Variants in FANK1 observed in about 807,000 individuals in gnomAD.
The protein encoded by FANK1 is fibronectin type III and ankyrin repeat domains 1, also known as fibronectin type 3 and ankyrin repeat domains protein 1.
In FANK1, 44 loss-of-function variants were observed where a neutral mutation model predicts 45.3. The observed-to-expected ratio is 0.97, with a 90% CI of 0.76 to 1.25. The LOEUF (loss-of-function observed/expected upper bound fraction) is 1.25, where lower values mean the gene tolerates loss of function less well. Ranked by LOEUF, FANK1 falls within the 50% of genes most tolerant of loss-of-function variation. The pLI, the probability that FANK1 is intolerant of heterozygous loss-of-function variation, is 0.00. For synonymous variants in FANK1, 149 were observed against 152.5 expected (o/e 0.98, Z 0.17); for missense variants, 391 against 424.4 (o/e 0.92, Z 0.69).
At chr10:125,971,477 G>C (rs1950510159) in intron 1 of FANK1, among the ~76,000 whole-genome samples, 1 of 151,542 alleles carries the variant, frequency 6.6e-6, no homozygotes, top group South Asian at 2.1e-4. Context: ...CAATTACCTG[G>C]TTTGCATTGT....
At chr10:125,975,576 G>T (rs1950806291) in intron 1 of FANK1, among the ~76,000 whole-genome samples, 2 of 152,128 alleles carry the variant, frequency 1.3e-5, no homozygotes, top group Non-Finnish European at 2.9e-5. Context: ...TGATATGCTT[G>T]TTGGCCACAT....
chr10:125,976,372 G>A (rs988397627), intron 1 of FANK1, among the ~76,000 whole-genome samples: 1 of 152,180 alleles, frequency 6.6e-6, no homozygotes, highest in Non-Finnish European at 1.5e-5. Context: ...AGTAAGGTTA[G>A]GGAAGTTTTC....
At chr10:125,961,180 C>T (rs891165958) in intron 1 of FANK1, among the ~76,000 whole-genome samples, 1 of 152,182 alleles carries the variant, frequency 6.6e-6, no homozygotes, top group African/African-American at 2.4e-5. Context: ...GATCATGGCT[C>T]ACTGTAACCT....
At chr10:125,928,592 C>A (rs987538129) in intron 1 of FANK1, among the ~76,000 whole-genome samples, 3 of 152,100 alleles carry the variant, frequency 2.0e-5, no homozygotes, top group African/African-American at 7.2e-5. Flanking sequence ...TTTTCAAACC[C>A]CTCTGACACT....
chr10:125,936,224 C>T (rs1352660864), intron 1 of FANK1, among the ~76,000 whole-genome samples: 2 of 152,036 alleles, frequency 1.3e-5, no homozygotes, highest in African/African-American at 4.8e-5. Context: ...AGACAATAAT[C>T]CTGATTTCCA....
rs188541042 is a variant in FANK1 at position 125,966,003 on chromosome 10, G to C, written c.14-14158G>C. Among the ~76,000 whole-genome samples the C allele has an allele frequency of 1.3e-4, 20 of 152,276 alleles. No individual in the cohort carries two copies. The East Asian group carries it at 3.9e-3, about 29-fold the overall frequency. ...TGCAGTAAATCTGAGAGGGAGGCAG[G>C]ACAGGTATCCTTACTTATCCCCCAC... On this transcript the variant is annotated intron_variant, in intron 1 of 10. Coordinates refer to ENST00000368693, the MANE Select transcript of FANK1 (RefSeq NM_145235.5).
chr10:125,985,244 A>AATTC (rs1951475303), intron 2 of FANK1, among the ~76,000 whole-genome samples: 1 of 152,198 alleles, frequency 6.6e-6, no homozygotes, highest in Non-Finnish European at 1.5e-5. Flanking sequence ...CCTTGCACTG[A>AATTC]ATTCTGGTGA....
At chr10:125,913,303 A>G (rs1273673906) in intron 1 of FANK1, among the ~76,000 whole-genome samples, 2 of 150,776 alleles carry the variant, frequency 1.3e-5, no homozygotes, top group East Asian at 3.9e-4. Flanking sequence ...CTCATTCTGC[A>G]TGACACCTAA....
intron 1 of FANK1, among the ~76,000 whole-genome samples, chr10:125,903,645 C>T (rs1589769097): frequency 6.6e-6 from 1 of 152,174 alleles, no homozygotes; most frequent in Non-Finnish European, 1.5e-5. Context: ...GCCCGGGCAA[C>T]ATGTCGAGAC....
At chr10:125,897,531 T>C (rs988914476) in intron 1 of FANK1, among the ~76,000 whole-genome samples, 8 of 152,246 alleles carry the variant, frequency 5.3e-5, no homozygotes, top group African/African-American at 1.9e-4. Context: ...TCTTGTACAA[T>C]TTCAGAAATG....
rs1156446362 is a variant in FANK1 at position 125,918,556 on chromosome 10, C to CAAAAAAA, written c.13+21925_13+21931dup. ...CTGGTGACAGAGCAAGCCTCTGTCT[C>CAAAAAAA]AAAAAAAAAAAAAAAAAAAAAAAAA... On this transcript the variant is annotated intron_variant, in intron 1 of 10. Coordinates refer to ENST00000368693, the MANE Select transcript of FANK1 (RefSeq NM_145235.5). Among the ~76,000 whole-genome samples, 62 of 7,098 alleles carry CAAAAAAA rather than the reference C, an allele frequency of 8.7e-3. 24 individuals carry two copies. Among genetic ancestry groups the CAAAAAAA allele is most frequent in the Non-Finnish European group, 0.012 (41 of 3,318 alleles). The allele number at this position is 7,098 out of a possible 152,430, so 4.7% of individuals were successfully genotyped here.
Position 125,950,886 on chromosome 10 carries a change from A to G in FANK1, c.14-29275A>G, listed in dbSNP as rs991448446. ...AGACTGGATTAAGAAAATGTGGCAC[A>G]TATACACCATGGAATACTATGCAGC... On this transcript the variant is annotated intron_variant, in intron 1 of 10. Transcript: ENST00000368693. 8.6e-5 allele frequency among the ~76,000 whole-genome samples: 13 copies of G among 150,464 alleles called. 1 individual carries two copies. Among genetic ancestry groups the G allele is most frequent in the Admixed American group, 3.3e-4 (5 of 15,074 alleles).
intron 1 of FANK1, among the ~76,000 whole-genome samples, chr10:125,915,069 G>T (rs1186842005): frequency 6.6e-6 from 1 of 152,172 alleles, no homozygotes; most frequent in Non-Finnish European, 1.5e-5. Context: ...ATGTGTTGGT[G>T]AAAGGGATCC....
chr10:125,989,186 C>T, intron 3 of FANK1: 1 of 1,089,364 alleles, frequency 9.2e-7, no homozygotes, highest in East Asian at 2.6e-5. Flanking sequence ...GAGAGCCCCA[C>T]ATGGAGACCT....
At chr10:125,943,399 TTATTA>T (rs1948577348) in intron 1 of FANK1, among the ~76,000 whole-genome samples, 1 of 152,172 alleles carries the variant, frequency 6.6e-6, no homozygotes, top group Admixed American at 6.5e-5. Flanking sequence ...CGGTGGCTTT[TTATTA>T]TATTCACAAA....
intron 1 of FANK1, among the ~76,000 whole-genome samples, chr10:125,897,443 T>C (rs1944642912): frequency 6.6e-6 from 1 of 152,278 alleles, no homozygotes; most frequent in African/African-American, 2.4e-5. Context: ...ATAAGGGGAG[T>C]GTTTTGTATG....
At chr10:126,002,096 A>G (rs866016285) in intron 6 of FANK1, among the ~76,000 whole-genome samples, 21 of 151,958 alleles carry the variant, frequency 1.4e-4, no homozygotes, top group African/African-American at 4.8e-4. Flanking sequence ...GCGGATCACG[A>G]GGTCAGGAGT....
chr10:125,958,215 C>T (rs1382116163), intron 1 of FANK1, among the ~76,000 whole-genome samples: 1 of 152,186 alleles, frequency 6.6e-6, no homozygotes, highest in Non-Finnish European at 1.5e-5. Context: ...CTTTACCCTT[C>T]CCAGCCTCTA....
intron 2 of FANK1, among the ~76,000 whole-genome samples, chr10:125,981,378 T>C (rs1028623676): frequency 1.3e-5 from 2 of 151,760 alleles, no homozygotes; most frequent in Admixed American, 1.3e-4. Flanking sequence ...TGTGGTGGCT[T>C]ATGCCTGTAG....
Sources: allele counts gnomAD v4.1 joint callset (sites outside exome capture counted in the v4.1 genomes callset), GRCh38; gene constraint gnomAD v4.1.1; transcripts MANE v1.5; gene names NCBI Gene and HGNC (gene_info 2026-07-23, HGNC 2026-07-21).